Variants in OGG1 observed in about 807,000 individuals in gnomAD.
OGG1 encodes 8-oxoguanine DNA glycosylase.
In OGG1, 35 loss-of-function variants were observed where a neutral mutation model predicts 42.3. The ratio of observed to expected loss-of-function variants is 0.83; its 90% CI spans 0.63 to 1.10. OGG1 has a LOEUF of 1.10. OGG1 is among the 50% of genes least tolerant of loss of function. OGG1 has a pLI of 0.00. For missense variants in OGG1, 484 were observed against 446.7 expected, an observed-to-expected ratio of 1.08 and a Z score of -0.75; for synonymous variants, 189 against 179.0, an observed-to-expected ratio of 1.06 and a Z score of -0.44.
At chr3:9,753,160 T>G (rs945380869) in intron 3 of OGG1, among the ~76,000 whole-genome samples, 2 of 151,912 alleles carry the variant, frequency 1.3e-5, no homozygotes, top group African/African-American at 2.4e-5. Context: ...GAGACCAGAC[T>G]GGCCAACCTG....
chr3:9,784,396 G>A lies in OGG1; in HGVS notation c.382+2796G>A, dbSNP rs17050568. On this transcript the variant is annotated intron_variant, in intron 3 of 3. Coordinates refer to the OGG1 transcript ENST00000426518. ...TGGTCTGGTTTTTAAAACAAGCAACGTATGTATCTACTATTCAAAAAATAT... is the reference window on the plus strand; with the variant it reads ...TGGTCTGGTTTTTAAAACAAGCAACATATGTATCTACTATTCAAAAAATAT... Among the ~76,000 whole-genome samples the A allele has an allele frequency of 4.1e-3, 629 of 152,122 alleles. 4 individuals carry two copies. The highest frequency in any genetic ancestry group is 0.014 in the African/African-American group (572 of 41,478).
At chr3:9,754,338 T>G (rs2077440312) in intron 3 of OGG1, among the ~76,000 whole-genome samples, 1 of 152,236 alleles carries the variant, frequency 6.6e-6, no homozygotes, top group Admixed American at 6.5e-5. Flanking sequence ...TGCCTAGCAC[T>G]TGATCATAGA....
intron 3 of OGG1, among the ~76,000 whole-genome samples, chr3:9,753,545 T>C (rs2077404332): frequency 6.6e-6 from 1 of 151,490 alleles, no homozygotes; most frequent in South Asian, 2.1e-4. Flanking sequence ...TCCCAGCTAC[T>C]TGGGAGGCTG....
chr3:9,781,830 CTTCT>C (rs2078474308), intron 3 of OGG1, among the ~76,000 whole-genome samples: 1 of 129,780 alleles, frequency 7.7e-6, no homozygotes, highest in Non-Finnish European at 1.6e-5. Context: ...TTGCCCATTA[CTTCT>C]TTTTTTTTTT....
chr3:9,758,006 T>G, downstream of OGG1: 1 of 1,188,778 alleles, frequency 8.4e-7, no homozygotes, highest in South Asian at 1.7e-5. Flanking sequence ...TCTACAAGGC[T>G]TTATTATATA....
intron 3 of OGG1, among the ~76,000 whole-genome samples, chr3:9,752,319 A>G (rs1450713927): frequency 5.9e-5 from 9 of 152,154 alleles, no homozygotes; most frequent in Non-Finnish European, 5.9e-5. Flanking sequence ...TCATCTGTGA[A>G]GTAGAATAAT....
rs368127071 is a variant in OGG1, at chr3:9,773,466, G to A, written c.295-8047G>A. ...TGAGGCAGGAGAATGGCGTGGACCCGGGAGGCAGAGCTTGCAGTGAGCAGA... is the reference window on the plus strand; with the variant it reads ...TGAGGCAGGAGAATGGCGTGGACCCAGGAGGCAGAGCTTGCAGTGAGCAGA... On this transcript the variant is annotated intron_variant, in intron 2 of 3. Coordinates refer to the OGG1 transcript ENST00000426518. Among the ~76,000 whole-genome samples the A allele has an allele frequency of 4.9e-4, 75 of 152,064 alleles. 3 individuals carry two copies. In the East Asian group the frequency reaches 7.2e-3, roughly 15 times the overall value.
intron 3 of OGG1, among the ~76,000 whole-genome samples, chr3:9,784,494 G>C (rs1037977033): frequency 1.3e-5 from 2 of 152,058 alleles, no homozygotes; most frequent in South Asian, 2.1e-4. Flanking sequence ...ATATATTCCA[G>C]ATTTTGTTAT....
At chr3:9,763,121 A>G (rs1236384973) in intron 7 of OGG1, 2 of 1,614,174 alleles carry the variant, frequency 1.2e-6, no homozygotes, top group Non-Finnish European at 8.5e-7. Flanking sequence ...GGGGCAGGGC[A>G]GAGGTTGGGC....
chr3:9,790,998 T>C (rs1008983386), downstream of OGG1, among the ~76,000 whole-genome samples: 1 of 152,238 alleles, frequency 6.6e-6, no homozygotes. Context: ...TACCTTTCTC[T>C]AATGACTAGC....
chr3:9,777,554 G>C (rs935306320), intron 2 of OGG1, among the ~76,000 whole-genome samples: 1 of 152,172 alleles, frequency 6.6e-6, no homozygotes, highest in African/African-American at 2.4e-5. Flanking sequence ...TCAGATAGGA[G>C]GGGTGGGTAA....
chr3:9,765,696 G>A, intron 7 of OGG1: 1 of 1,567,702 alleles, frequency 6.4e-7, no homozygotes, highest in Non-Finnish European at 8.7e-7. Flanking sequence ...AGCAGGAAAG[G>A]AGGAGGATGG....
chr3:9,786,725 G>A (rs1386705104), intron 3 of OGG1, among the ~76,000 whole-genome samples: 2 of 152,154 alleles, frequency 1.3e-5, no homozygotes, highest in Non-Finnish European at 2.9e-5. Flanking sequence ...GCATGAGAGG[G>A]GCTTCTAGGA....
chr3:9,761,824 G>A (rs546193931), downstream of OGG1: 225 of 1,582,694 alleles, frequency 1.4e-4, no homozygotes, highest in East Asian at 2.9e-4. Context: ...ACCTTCTGCC[G>A]CTCCAAGCAC....
At chr3:9,757,764 G>A (rs536063601), downstream of OGG1, 44 of 1,613,698 alleles carry the variant, frequency 2.7e-5, no homozygotes, top group Admixed American at 1.5e-4. This position sits in a 1 kb window ranked among gnomAD's most constrained non-coding sequence, Gnocchi z 4.5. Context: ...CCCATGGCTC[G>A]CCGTCTGCCC....
downstream of OGG1, chr3:9,758,920 A>G (rs2077715633): frequency 2.3e-6 from 1 of 425,910 alleles, no homozygotes; most frequent in African/African-American, 2.0e-5. Flanking sequence ...GTGAGCCACC[A>G]TGCCTGGCCC....
chr3:9,775,908 G>A (rs1200088644), intron 2 of OGG1, among the ~76,000 whole-genome samples: 1 of 152,186 alleles, frequency 6.6e-6, no homozygotes, highest in Non-Finnish European at 1.5e-5. Flanking sequence ...CCAAAGTGCT[G>A]GGATTACAGG....
At position 9,751,050 on chromosome 3, in the gene OGG1, CAA is replaced by C. The variant is rs2125530095; in HGVS notation, c.244_245del (p.Lys82GlufsTer4). The C allele has an allele frequency of 1.9e-6, 3 of 1,613,818 alleles. No individual in the cohort carries two copies. The highest frequency in any genetic ancestry group is 8.5e-7 in the Non-Finnish European group (1 of 1,179,854). Reference sequence around the variant, plus strand: ...TCCACTGCACTGTGTACCGAGGAGACAAGAGCCAGGCTAGCAGGCCCACACCA... The same window carrying C: ...TCCACTGCACTGTGTACCGAGGAGACGAGCCAGGCTAGCAGGCCCACACCA... ...QLHCTVYRGD[K>X]SQASRPTPDE... On this transcript the variant is annotated frameshift_variant, in exon 2 of 7. Transcript: ENST00000344629. LOFTEE classifies it high-confidence loss of function.
At chr3:9,773,901 C>T (rs2078333597) in intron 2 of OGG1, among the ~76,000 whole-genome samples, 1 of 151,810 alleles carries the variant, frequency 6.6e-6, no homozygotes, top group Non-Finnish European at 1.5e-5. Context: ...CGGGTCTCTA[C>T]TCCCTCTGTT....
Sources: allele counts gnomAD v4.1 joint callset (sites outside exome capture counted in the v4.1 genomes callset), GRCh38; gene constraint gnomAD v4.1.1; non-coding constraint Gnocchi (gnomAD v3.1); transcripts MANE v1.5; gene names NCBI Gene and HGNC (gene_info 2026-07-23, HGNC 2026-07-21).